Variants in BSN observed in about 807,000 individuals in gnomAD.
BSN encodes the protein bassoon presynaptic cytomatrix protein.
A neutral mutation model predicts 264.8 loss-of-function variants in BSN; 57 were observed. That is an observed-to-expected ratio of 0.22 (90% CI 0.17 to 0.27). The LOEUF is 0.27. BSN is among the 10% of genes least tolerant of loss of function. The pLI, the probability that BSN is intolerant of heterozygous loss-of-function variation, is 1.00. For missense variants in BSN, 4,615 were observed against 5,232.5 expected, an observed-to-expected ratio of 0.88 and a Z score of 3.64; for synonymous variants, 2,059 against 2,137.3, an observed-to-expected ratio of 0.96 and a Z score of 1.01.
Position 49,650,985 on chromosome 3 carries a change from C to A in BSN, c.1892C>A (p.Ala631Glu). ...CCTCCAGAGACTACCCCAACCCCTG[C>A]GACTCCTAAAGTAAAGAGTGGGGTG... is the stretch of plus-strand genomic sequence containing the variant. ...KPPPETTPTP[A>E]TPKVKSGVRR... The change falls in exon 4 of 12, where the codon GCG becomes GAG. Residue 631 changes from alanine to glutamate, a missense_variant. Around this residue, in one of 3 missense-constraint regions of BSN, gnomAD observed 1,197 missense variants for 1,348.0 expected, o/e 0.89. Transcript: ENST00000296452. 6.2e-7 allele frequency: 1 copy of A among 1,614,110 alleles called. No individual in the cohort carries two copies. Among genetic ancestry groups the A allele is most frequent in the Non-Finnish European group, 8.5e-7 (1 of 1,180,016 alleles).
chr3:49,666,791 C>T lies in BSN; in HGVS notation c.*105-799C>T, dbSNP rs2052716775. Among the ~76,000 whole-genome samples the T allele has an allele frequency of 3.3e-5, 5 of 152,230 alleles. No individual in the cohort carries two copies. In the South Asian group the frequency reaches 1.0e-3, roughly 32 times the overall value. ...GGGGTAAAGTCCAAGGGGGTGGGAG[C>T]CAGCTGGGGTGGGTTGTGCAGGCCA... On this transcript the variant is annotated intron_variant, in intron 11 of 11. Transcript: ENST00000296452.
In BSN at chr3:49,656,066, A is replaced by C. The variant is rs767629515; in HGVS notation, c.6510A>C (p.Ala2170=). ...GGAACTTGGCCCAGTATGGGCCTGC[A>C]GCAGGCCAAGGAACAGCAGTCAGAC... is the stretch of plus-strand genomic sequence containing the variant. ...SPGNLAQYGP[A]AGQGTAVRQL... is the part of the protein sequence containing the mutation. Residue 2170 remains alanine (A), a synonymous_variant, in exon 5 of 12, where the codon GCA becomes GCC. Transcript: ENST00000296452. The C allele has an allele frequency of 6.2e-7, 1 of 1,609,536 alleles. No individual in the cohort carries two copies. Among genetic ancestry groups the C allele is most frequent in the East Asian group, 2.2e-5 (1 of 44,842 alleles).
At chr3:49,564,556 C>T (rs544292049) in intron 1 of BSN, among the ~76,000 whole-genome samples, 1 of 152,282 alleles carries the variant, frequency 6.6e-6, no homozygotes, top group Admixed American at 6.5e-5. Context: ...TGTGAGCCTA[C>T]TTTCTAAACC....
chr3:49,642,485 C>T lies in BSN; in HGVS notation c.851C>T (p.Ala284Val). Residue 284 changes from alanine (A) to valine (V), a missense_variant, in exon 3 of 12, where the codon GCC becomes GTC. By Grantham distance (64) the Ala-to-Val change is moderately conservative (BLOSUM62 0). Around this residue, in one of 3 missense-constraint regions of BSN, gnomAD observed 1,197 missense variants for 1,348.0 expected, o/e 0.89. Transcript: ENST00000296452. This position sits in a 1 kb window ranked among gnomAD's most constrained non-coding sequence, Gnocchi z 7.0. ...PGSRQAETARATSVPGPAQAA... is the reference protein window; with the variant it reads ...PGSRQAETARVTSVPGPAQAA... ...TCCCGCCAGGCTGAGACAGCCAGGG[C>T]CACCTCAGTGCCGGGGCCTGCCCAA... 1 of 1,578,512 alleles carries T rather than the reference C, an allele frequency of 6.3e-7. No individual in the cohort carries two copies. The highest frequency in any genetic ancestry group is 8.6e-7 in the Non-Finnish European group (1 of 1,163,490).
intron 1 of BSN, among the ~76,000 whole-genome samples, chr3:49,624,248 G>T (rs918887267): frequency 7.0e-6 from 1 of 142,846 alleles, no homozygotes; most frequent in Non-Finnish European, 1.5e-5. Flanking sequence ...TGATGTGCCC[G>T]CCTCGGCCTC....
intron 1 of BSN, among the ~76,000 whole-genome samples, chr3:49,612,239 C>G (rs904071532): frequency 6.6e-6 from 1 of 152,020 alleles, no homozygotes; most frequent in African/African-American, 2.4e-5. Flanking sequence ...GGGTTCACGC[C>G]GTCCTCCTTC....
At chr3:49,590,566 A>G (rs2051970629) in intron 1 of BSN, among the ~76,000 whole-genome samples, 1 of 152,096 alleles carries the variant, frequency 6.6e-6, no homozygotes, top group African/African-American at 2.4e-5. Context: ...AGGGCTTACA[A>G]TACACATCTT....
At chr3:49,572,432 G>A (rs944732207) in intron 1 of BSN, among the ~76,000 whole-genome samples, 5 of 152,150 alleles carry the variant, frequency 3.3e-5, no homozygotes, top group Non-Finnish European at 7.4e-5. Context: ...TCGAAAGTGG[G>A]TGATATTATA....
rs2052726044 is a variant in BSN at position 49,668,158 on chromosome 3, A to G, written c.*673A>G. The G allele has an allele frequency of 1.3e-5, 2 of 152,562 alleles. No homozygotes were observed. The highest frequency in any genetic ancestry group is 4.8e-5 in the African/African-American group (2 of 41,428). The allele number at this position is 152,562 out of a possible 1,614,324, so 9.5% of individuals were successfully genotyped here. A position where few individuals can be genotyped will look rare whatever the true frequency, so the allele number is the denominator to read the frequency against. On this transcript the variant is annotated 3_prime_UTR_variant, in exon 12 of 12. Coordinates refer to ENST00000296452, the MANE Select transcript of BSN (RefSeq NM_003458.4). ...CCTAACACTGTCTCATCGCTGAAATAAGAGGCCATAGCACCGAAAAGCAGC... is the reference window on the plus strand; with the variant it reads ...CCTAACACTGTCTCATCGCTGAAATGAGAGGCCATAGCACCGAAAAGCAGC...
intron 2 of BSN, among the ~76,000 whole-genome samples, chr3:49,630,434 TA>T (rs1203547949): frequency 6.6e-6 from 1 of 152,198 alleles, no homozygotes; most frequent in Non-Finnish European, 1.5e-5. Flanking sequence ...TCCAAGTCAA[TA>T]GAGAAATACT....
At position 49,643,051 on chromosome 3, in the gene BSN, A is replaced by G; in HGVS notation, c.1417A>G (p.Asn473Asp). 1 of 1,614,074 alleles carries G rather than the reference A, an allele frequency of 6.2e-7. No individual in the cohort carries two copies. Among genetic ancestry groups the G allele is most frequent in the Non-Finnish European group, 8.5e-7 (1 of 1,180,036 alleles). Residue 473 changes from asparagine to aspartate, a missense_variant, in exon 3 of 12, where the codon AAC becomes GAC. Around this residue, in one of 3 missense-constraint regions of BSN, gnomAD observed 1,197 missense variants for 1,348.0 expected, o/e 0.89. Transcript: ENST00000296452. The stretch of plus-strand genomic sequence containing the variant: ...CTGCCCACTGTGCCAAGCCGAGCTC[A>G]ACGTGGGCAGCAAGAGCCCAGCCAA... ...AICPLCQAEL[N>D]VGSKSPANYN...
intron 1 of BSN, among the ~76,000 whole-genome samples, chr3:49,556,797 TG>T (rs2051676027): frequency 6.6e-6 from 1 of 152,202 alleles, no homozygotes; most frequent in Non-Finnish European, 1.5e-5. Flanking sequence ...CTGAACAGAT[TG>T]GCCCATTGAT....
At chr3:49,617,933 G>A (rs1398415865) in intron 1 of BSN, among the ~76,000 whole-genome samples, 1 of 152,074 alleles carries the variant, frequency 6.6e-6, no homozygotes, top group Non-Finnish European at 1.5e-5. Flanking sequence ...GTGACTTCTC[G>A]GCTTTCACAT....
At position 49,669,746 on chromosome 3, in the gene BSN, A is replaced by G. The variant is rs2052742089; in HGVS notation, c.*2261A>G. On this transcript the variant is annotated 3_prime_UTR_variant, in exon 12 of 12. Transcript: ENST00000296452. ...TTCATATAAACAGTGGCTTCAAGCTAAGTTTCTTGTGAAGTTTCTCAATAG... is the reference window on the plus strand; with the variant it reads ...TTCATATAAACAGTGGCTTCAAGCTGAGTTTCTTGTGAAGTTTCTCAATAG... 1 of 152,276 alleles carries G rather than the reference A, an allele frequency of 6.6e-6. No homozygotes were observed. The highest frequency in any genetic ancestry group is 1.5e-5 in the Non-Finnish European group (1 of 68,038). 9.4% of individuals were successfully genotyped at this position (152,276 alleles called of 1,614,324 possible).
chr3:49,574,023 C>T (rs1461758954), intron 1 of BSN, among the ~76,000 whole-genome samples: 1 of 152,106 alleles, frequency 6.6e-6, no homozygotes, highest in Non-Finnish European at 1.5e-5. Flanking sequence ...AGTCACAGCC[C>T]ATTGCAGCCT....
chr3:49,587,887 T>TTTTTTCTTTTC (rs528313492), intron 1 of BSN, among the ~76,000 whole-genome samples: 1 of 121,596 alleles, frequency 8.2e-6, no homozygotes, highest in Non-Finnish European at 1.7e-5. Context: ...AAAGTTGGGG[T>TTTTTTCTTTTC]TTTTCTTTTC....
rs548686244 is a variant in BSN at position 49,656,613 on chromosome 3, G to C, written c.7057G>C (p.Gly2353Arg). 5.0e-6 allele frequency: 8 copies of C among 1,607,188 alleles called. No individual in the cohort carries two copies. In the African/African-American group the frequency reaches 9.3e-5, roughly 19 times the overall value. The change falls in exon 5 of 12, where the codon GGG becomes CGG. Residue 2353 changes from glycine (G) to arginine (R), a missense_variant. This residue lies in a region of BSN where 3,415 missense variants were observed against 3,866.4 expected (regional missense o/e 0.88). Coordinates refer to ENST00000296452, the MANE Select transcript of BSN (RefSeq NM_003458.4). ...TGGCAGTGGGGCCCTCAGCCGGCCA[G>C]GGTTCGAGAAAGAGGAAGCATCACA... Reference protein sequence around the residue: ...GGGSGALSRPGFEKEEASQEE... With the variant: ...GGGSGALSRPRFEKEEASQEE...
At chr3:49,574,630 C>CTTTT (rs60300269) in intron 1 of BSN, among the ~76,000 whole-genome samples, 3 of 51,926 alleles carry the variant, frequency 5.8e-5, no homozygotes, top group Non-Finnish European at 1.0e-4. Flanking sequence ...GGTGGGGTTT[C>CTTTT]TTTTTTTTTT....
intron 1 of BSN, among the ~76,000 whole-genome samples, chr3:49,614,351 G>A (rs1237281054): frequency 2.0e-5 from 3 of 152,132 alleles, no homozygotes; most frequent in Non-Finnish European, 2.9e-5. Flanking sequence ...GAGCCACCGC[G>A]CCCGGCCGAC....
Sources: gnomAD v4.1 joint callset for allele counts (sites outside exome capture counted in the v4.1 genomes callset) on GRCh38, gnomAD v4.1.1 for gene constraint, gnomAD v4.1.1 regional missense constraint, Gnocchi (gnomAD v3.1) non-coding constraint, MANE v1.5 for transcripts, NCBI Gene and HGNC (gene_info 2026-07-23, HGNC 2026-07-21) for gene names.